Variants in SDK1 observed in about 807,000 individuals in gnomAD.
The protein encoded by SDK1 is sidekick cell adhesion molecule 1.
In SDK1, 157 loss-of-function variants were observed where a neutral mutation model predicts 245.5. The ratio of observed to expected loss-of-function variants is 0.64; its 90% CI spans 0.56 to 0.73. The LOEUF (loss-of-function observed/expected upper bound fraction) is 0.73. SDK1 is among the 30% of genes least tolerant of loss of function. The pLI, the probability that SDK1 is intolerant of heterozygous loss-of-function variation, is 0.00. For missense variants in SDK1, 3,583 were observed against 3,002.3 expected (o/e 1.19, Z -4.52); for synonymous variants, 1,647 against 1,278.5 (o/e 1.29, Z -6.15).
chr7:4,162,819 G>A (rs969580059), intron 32 of SDK1, among the ~76,000 whole-genome samples: 1 of 152,208 alleles, frequency 6.6e-6, no homozygotes. Flanking sequence ...TGAAGGACAC[G>A]CTGCCGTCTC....
chr7:3,731,756 C>T (rs1424726133), intron 4 of SDK1, among the ~76,000 whole-genome samples: 1 of 152,118 alleles, frequency 6.6e-6, no homozygotes, highest in Non-Finnish European at 1.5e-5. Context: ...GAAAAAAATT[C>T]TCCATGGAGA....
rs1048286846 is a variant in SDK1 at position 3,598,982 on chromosome 7, C to G, written c.299-20098C>G. ...GGATAAATGCCCAAGAGAACAGTTGCTGGGTTGCATGGTAGTTGCATGCTT... is the reference window on the plus strand; with the variant it reads ...GGATAAATGCCCAAGAGAACAGTTGGTGGGTTGCATGGTAGTTGCATGCTT... On this transcript the variant is annotated intron_variant, in intron 1 of 44. Transcript: ENST00000404826. 4.0e-5 allele frequency among the ~76,000 whole-genome samples: 6 copies of G among 151,604 alleles called. 1 individual carries two copies. The highest frequency in any genetic ancestry group is 6.6e-5 in the Admixed American group (1 of 15,236).
intron 4 of SDK1, among the ~76,000 whole-genome samples, chr7:3,774,869 A>G (rs960077516): frequency 6.6e-6 from 1 of 152,174 alleles, no homozygotes; most frequent in Non-Finnish European, 1.5e-5. Flanking sequence ...TGCTGTGACT[A>G]CTTCTAATTG....
chr7:3,668,799 C>G (rs57738571), intron 4 of SDK1, among the ~76,000 whole-genome samples: 2 of 152,176 alleles, frequency 1.3e-5, no homozygotes, highest in Admixed American at 1.3e-4. Context: ...TCAAACAAAA[C>G]AAAACAAAAT....
intron 1 of SDK1, among the ~76,000 whole-genome samples, chr7:3,497,358 A>G (rs114935375): frequency 3.7e-4 from 57 of 152,312 alleles, no homozygotes; most frequent in African/African-American, 1.2e-3. Flanking sequence ...ATGTCAAGCT[A>G]TGTACTCTTC....
Position 3,916,449 on chromosome 7 carries a change from C to T in SDK1, c.848-34474C>T, listed in dbSNP as rs573348943. Among the ~76,000 whole-genome samples the T allele has an allele frequency of 5.9e-5, 9 of 152,288 alleles. No individual in the cohort carries two copies. The South Asian group carries it at 1.7e-3, about 28-fold the overall frequency. ...CCTGAGTTTCTATTTTCCTTGCACACGTCTTAGTGCTGTGATAGAAAAGGG... is the reference window on the plus strand; with the variant it reads ...CCTGAGTTTCTATTTTCCTTGCACATGTCTTAGTGCTGTGATAGAAAAGGG... On this transcript the variant is annotated intron_variant, in intron 5 of 44. Coordinates refer to ENST00000404826, the MANE Select transcript of SDK1 (RefSeq NM_152744.4).
At chr7:3,396,707 C>T (rs1234207436) in intron 1 of SDK1, among the ~76,000 whole-genome samples, 4 of 151,394 alleles carry the variant, frequency 2.6e-5, no homozygotes, top group African/African-American at 7.3e-5. Context: ...TATCTTTTCC[C>T]ATCCTTTTGT....
intron 7 of SDK1, among the ~76,000 whole-genome samples, chr7:3,958,577 TGTTTA>T (rs1170074387): frequency 6.6e-6 from 1 of 152,240 alleles, no homozygotes; most frequent in Non-Finnish European, 1.5e-5. Flanking sequence ...CACGAGCTCG[TGTTTA>T]GTTTAGATAC....
intron 4 of SDK1, among the ~76,000 whole-genome samples, chr7:3,647,558 C>G (rs1215684853): frequency 6.6e-6 from 1 of 152,094 alleles, no homozygotes; most frequent in Admixed American, 6.5e-5. Flanking sequence ...TCCAGAGCAC[C>G]TGGGATTACA....
chr7:3,807,595 A>C (rs1387044345), intron 4 of SDK1, among the ~76,000 whole-genome samples: 1 of 152,184 alleles, frequency 6.6e-6, no homozygotes, highest in Non-Finnish European at 1.5e-5. Context: ...GCACACAGAG[A>C]GAAACAGAGA....
chr7:3,777,775 A>G (rs1269464393), intron 4 of SDK1, among the ~76,000 whole-genome samples: 1 of 152,094 alleles, frequency 6.6e-6, no homozygotes, highest in Non-Finnish European at 1.5e-5. Context: ...GCCACACCAC[A>G]CTGCACATGT....
intron 1 of SDK1, among the ~76,000 whole-genome samples, chr7:3,419,984 C>A (rs745393968): frequency 1.3e-5 from 2 of 152,138 alleles, no homozygotes; most frequent in Non-Finnish European, 2.9e-5. Context: ...GAGAAATGCA[C>A]CCAACCTCTG....
At chr7:3,533,161 T>G (rs1029565166) in intron 1 of SDK1, among the ~76,000 whole-genome samples, 1 of 152,218 alleles carries the variant, frequency 6.6e-6, no homozygotes, top group Non-Finnish European at 1.5e-5. Context: ...CTTGAGTGCA[T>G]GTGGTGTGTA....
intron 5 of SDK1, among the ~76,000 whole-genome samples, chr7:3,897,112 C>G (rs1471165997): frequency 2.0e-5 from 3 of 152,210 alleles, no homozygotes; most frequent in Non-Finnish European, 4.4e-5. Context: ...TTAATTCAAT[C>G]ACCTCCCACT....
At chr7:3,959,312 C>A (rs1781497142) in intron 8 of SDK1, among the ~76,000 whole-genome samples, 1 of 152,168 alleles carries the variant, frequency 6.6e-6, no homozygotes, top group Non-Finnish European at 1.5e-5. Context: ...GACTCCCCTT[C>A]CAAGGCCCTG....
intron 1 of SDK1, among the ~76,000 whole-genome samples, chr7:3,366,764 A>G (rs1781103536): frequency 6.6e-6 from 1 of 151,792 alleles, no homozygotes; most frequent in South Asian, 2.1e-4. Flanking sequence ...TTATTTTGAG[A>G]CAGAGTCTTG....
intron 4 of SDK1, among the ~76,000 whole-genome samples, chr7:3,684,071 G>A (rs976736262): frequency 2.0e-5 from 3 of 152,156 alleles, no homozygotes; most frequent in Admixed American, 2.0e-4. Flanking sequence ...TCCGCTGTGG[G>A]GTGGTGGTGG....
At chr7:4,223,147 G>C (rs530175747) in intron 40 of SDK1, among the ~76,000 whole-genome samples, 1 of 152,228 alleles carries the variant, frequency 6.6e-6, no homozygotes, top group East Asian at 1.9e-4. Flanking sequence ...GCAGGTTGGT[G>C]GGGGAGGAGG....
At chr7:3,473,004 C>A (rs1781231792) in intron 1 of SDK1, among the ~76,000 whole-genome samples, 1 of 152,146 alleles carries the variant, frequency 6.6e-6, no homozygotes, top group Non-Finnish European at 1.5e-5. Context: ...CTTCTTTTTC[C>A]CCATTTTCCT....
Sources: gnomAD v4.1 joint callset for allele counts (sites outside exome capture counted in the v4.1 genomes callset) on GRCh38, gnomAD v4.1.1 for gene constraint, MANE v1.5 for transcripts, NCBI Gene and HGNC (gene_info 2026-07-23, HGNC 2026-07-21) for gene names.